The following ABCA12 variants were observed in gnomAD, a reference collection of about 807,000 sequenced individuals.
ABCA12 encodes ATP binding cassette subfamily A member 12.
Under a neutral mutation model 293.5 loss-of-function variants are expected in ABCA12, and 156 were observed. That is an observed-to-expected ratio of 0.53 (90% CI 0.47 to 0.61). The LOEUF is 0.61. Ranked by LOEUF, ABCA12 falls within the 20% of genes least tolerant of loss-of-function variation. The probability of loss-of-function intolerance (pLI) is 0.00; values close to 1 mark genes in which losing one functional copy is unlikely to be tolerated. For missense variants in ABCA12, 2,797 were observed against 3,090.2 expected (o/e 0.91, Z 2.25); for synonymous variants, 1,063 against 1,108.0 (o/e 0.96, Z 0.81).
intron 42 of ABCA12, among the ~76,000 whole-genome samples, 184 bp from the exon 43 acceptor site, chr2:214,955,545 C>T (rs1214785801): frequency 3.3e-5 from 5 of 152,062 alleles, no homozygotes; most frequent in African/African-American, 7.2e-5. Flanking sequence ...CAGCCAGGTG[C>T]GGTGGCACGC....
intron 9 of ABCA12, among the ~76,000 whole-genome samples, chr2:215,031,207 T>G (rs922061203): frequency 1.3e-5 from 2 of 152,222 alleles, no homozygotes; most frequent in Non-Finnish European, 2.9e-5. Flanking sequence ...CAAATTAAAT[T>G]ACCTACAAAC....
intron 50 of ABCA12, 43 bp downstream of exon 50, chr2:214,942,882 G>C: frequency 6.5e-7 from 1 of 1,532,242 alleles, no homozygotes; most frequent in Non-Finnish European, 9.0e-7. Context: ...CCATTAGATA[G>C]ATGACCCAAC....
intron 23 of ABCA12, among the ~76,000 whole-genome samples, chr2:214,996,903 A>G (rs1474921649): frequency 6.6e-6 from 1 of 152,196 alleles, no homozygotes; most frequent in African/African-American, 2.4e-5. Flanking sequence ...ATTGTGCCCC[A>G]GTTTTGAAAT....
chr2:214,964,481 T>C (rs1444510939), intron 39 of ABCA12, among the ~76,000 whole-genome samples: 4 of 152,272 alleles, frequency 2.6e-5, no homozygotes, highest in East Asian at 3.9e-4. Context: ...GAAAACCCCA[T>C]TGTCCAGCCC....
chr2:215,037,005 G>T lies in ABCA12; in HGVS notation c.933C>A (p.Thr311=). The change falls in exon 8 of 53, where the codon ACC becomes ACA. Residue 311 remains threonine, a synonymous_variant. Coordinates refer to ENST00000272895, the MANE Select transcript of ABCA12 (RefSeq NM_173076.3). ...GCAGATGTTTAACAGACTTCTGGAG[G>T]GTTCTGAAACCTTCGTTAGTTGCAA... ...PRFATNEGFR[T]LQKSVKHLLY... 6.2e-7 allele frequency: 1 copy of T among 1,613,884 alleles called. No individual in the cohort carries two copies. The highest frequency in any genetic ancestry group is 8.5e-7 in the Non-Finnish European group (1 of 1,179,876).
At chr2:215,100,460 T>C (rs1435381661) in intron 2 of ABCA12, among the ~76,000 whole-genome samples, 1 of 152,250 alleles carries the variant, frequency 6.6e-6, no homozygotes, top group African/African-American at 2.4e-5. Context: ...AAACATCCAG[T>C]AGTTTTCATT....
intron 3 of ABCA12, among the ~76,000 whole-genome samples, chr2:215,062,607 T>C (rs934298844): frequency 6.6e-6 from 1 of 152,056 alleles, no homozygotes; most frequent in African/African-American, 2.4e-5. Context: ...CCTTGCCATA[T>C]TGCAACCGTG....
chr2:214,937,816 C>T (rs1321791770), intron 50 of ABCA12, among the ~76,000 whole-genome samples: 1 of 151,982 alleles, frequency 6.6e-6, no homozygotes, highest in African/African-American at 2.4e-5. Flanking sequence ...TTTATTTCTA[C>T]CTCTATATAA....
In ABCA12 at chr2:214,982,285, A is replaced by G. The variant is rs1263698595; in HGVS notation, c.4481T>C (p.Ile1494Thr). ...KRKLSISIAL[I>T]GGSRVVILDE... The stretch of plus-strand genomic sequence containing the variant: ...CAAAATTACTACCCTTGATCCACCA[A>G]TGAGAGCTATGGATATAGATAACTT... Residue 1494 changes from isoleucine to threonine, a missense_variant, in exon 30 of 53, where the codon ATT (isoleucine) becomes ACT (threonine). Transcript: ENST00000272895. 7.4e-6 allele frequency: 12 copies of G among 1,613,962 alleles called. No homozygotes were observed. The African/African-American group carries it at 8.0e-5, about 11-fold the overall frequency.
Position 214,945,064 on chromosome 2 carries a change from T to C in ABCA12, c.7280A>G (p.His2427Arg). Residue 2427 changes from histidine to arginine, a missense_variant, in exon 49 of 53, where the codon CAC (histidine) becomes CGC (arginine). Physicochemically the swap from His to Arg is conservative, Grantham distance 29. Coordinates refer to ENST00000272895, the MANE Select transcript of ABCA12 (RefSeq NM_173076.3). ...TTCTTCTGAAATGATCTTCCAGAGG[T>C]GCCGTTTCGACTTCGGATCCATGCC... is the stretch of plus-strand genomic sequence containing the variant. The part of the protein sequence containing the change: ...SSGMDPKSKR[H>R]LWKIISEEVQ... The C allele has an allele frequency of 3.7e-6, 6 of 1,613,800 alleles. No individual in the cohort carries two copies. The highest frequency in any genetic ancestry group is 5.1e-6 in the Non-Finnish European group (6 of 1,179,900).
intron 9 of ABCA12, among the ~76,000 whole-genome samples, chr2:215,030,901 T>C (rs537537247): frequency 2.0e-4 from 30 of 152,348 alleles, no homozygotes; most frequent in African/African-American, 7.0e-4. Flanking sequence ...TTTATTTGTA[T>C]AGATTTCCGT....
intron 1 of ABCA12, among the ~76,000 whole-genome samples, chr2:215,122,711 T>C (rs1358838565): frequency 6.6e-6 from 1 of 152,200 alleles, no homozygotes; most frequent in Non-Finnish European, 1.5e-5. Flanking sequence ...TTCCCTTCTT[T>C]AGGTCAGAAG....
At position 214,989,432 on chromosome 2, in the gene ABCA12, C is replaced by T. The variant is rs71428357; in HGVS notation, c.3726G>A (p.Pro1242=). ...GLQWENMYTS[P]VQDDTTSFGW... is the part of the protein sequence containing the mutation. ...CAAATGAGGTGGTGTCATCCTGAAC[C>T]GGGGAGGTGTACATATTTTCCCACT... The change falls in exon 26 of 53, where the codon CCG becomes CCA. Residue 1242 remains proline (P), a synonymous_variant. Transcript: ENST00000272895. The T allele has an allele frequency of 0.061, 97,889 of 1,612,962 alleles. 3,887 individuals are homozygous for T. The highest frequency in any genetic ancestry group is 0.18 in the Admixed American group (11,059 of 59,842).
rs200024494 is a variant in ABCA12 at position 215,037,019 on chromosome 2, C to T, written c.919G>A (p.Glu307Lys). 39 of 1,613,876 alleles carry T rather than the reference C, an allele frequency of 2.4e-5. No homozygotes were observed. The Middle Eastern group carries it at 6.6e-4, about 27-fold the overall frequency. ...GACTTCTGGAGGGTTCTGAAACCTT[C>T]GTTAGTTGCAAAACGTGGATAAACC... ...QKVYPRFATN[E>K]GFRTLQKSVK... Residue 307 changes from glutamate to lysine, a missense_variant, in exon 8 of 53, where the codon GAA (glutamate) becomes AAA (lysine). Physicochemically the swap from Glu to Lys is moderately conservative, Grantham distance 56. Around this residue, in one of 3 missense-constraint regions of ABCA12, gnomAD observed 656 missense variants for 638.2 expected, o/e 1.03. Coordinates refer to ENST00000272895, the MANE Select transcript of ABCA12 (RefSeq NM_173076.3).
intron 2 of ABCA12, among the ~76,000 whole-genome samples, chr2:215,110,196 T>G (rs1281583985): frequency 6.6e-6 from 1 of 152,146 alleles, no homozygotes; most frequent in Non-Finnish European, 1.5e-5. Flanking sequence ...TCAAATGACT[T>G]GAGAAAACAT....
chr2:215,046,026 A>G lies in ABCA12; in HGVS notation c.694-11T>C, dbSNP rs1265312776. ...GGGGTCACTGGATAGCTTAAAATAT[A>G]AAACCACAAACAGAGCAAAATGAGA... is the stretch of plus-strand genomic sequence containing the variant. On this transcript the variant is annotated splice_polypyrimidine_tract_variant and intron_variant, in intron 6 of 52. Coordinates refer to ENST00000272895, the MANE Select transcript of ABCA12 (RefSeq NM_173076.3). 1.2e-6 allele frequency: 2 copies of G among 1,612,698 alleles called. No homozygotes were observed. Among genetic ancestry groups the G allele is most frequent in the Admixed American group, 1.7e-5 (1 of 59,936 alleles).
chr2:214,948,696 T>G lies in ABCA12; in HGVS notation c.7004A>C (p.Tyr2335Ser). The G allele has an allele frequency of 6.2e-7, 1 of 1,614,136 alleles. No individual in the cohort carries two copies. Among genetic ancestry groups the G allele is most frequent in the Non-Finnish European group, 8.5e-7 (1 of 1,179,990 alleles). ...ATCTAAGGCATCTTCCTGAGGACAG[T>G]AGCCAACTAATGAGCTGTGAGAATC... ...HVDSHSSLVGYCPQEDALDDL... is the reference protein window; with the variant it reads ...HVDSHSSLVGSCPQEDALDDL... The change falls in exon 47 of 53, where the codon TAC (tyrosine) becomes TCC (serine). Residue 2335 changes from tyrosine to serine, a missense_variant. This residue lies in a region of ABCA12 where 2,130 missense variants were observed against 2,427.0 expected (regional missense o/e 0.88). Coordinates refer to ENST00000272895, the MANE Select transcript of ABCA12 (RefSeq NM_173076.3).
At chr2:215,057,079 AG>A (rs1398327772) in intron 3 of ABCA12, among the ~76,000 whole-genome samples, 3 of 152,072 alleles carry the variant, frequency 2.0e-5, no homozygotes, top group African/African-American at 7.2e-5. Context: ...TATCTAACAT[AG>A]TATAGGACCA....
In ABCA12 at chr2:215,017,992, A is replaced by T; in HGVS notation, c.1782+16T>A. On this transcript the variant is annotated intron_variant, in intron 14 of 52. Transcript: ENST00000272895. ...TTCTAAGAACTGCATGTAAGTACAA[A>T]CACATGACACCCCACCTCAGCTCTA... The T allele has an allele frequency of 6.2e-7, 1 of 1,614,058 alleles. No homozygotes were observed. Among genetic ancestry groups the T allele is most frequent in the Admixed American group, 1.7e-5 (1 of 60,028 alleles).
Sources: gnomAD v4.1 joint callset for allele counts (sites outside exome capture counted in the v4.1 genomes callset) on GRCh38, gnomAD v4.1.1 for gene constraint, gnomAD v4.1.1 regional missense constraint, MANE v1.5 for transcripts, NCBI Gene and HGNC (gene_info 2026-07-23, HGNC 2026-07-21) for gene names.